SIN3A: variants seen among roughly 807,000 people sequenced by gnomAD.
SIN3A encodes the protein SIN3 transcription regulator family member A, also known as paired amphipathic helix protein Sin3a.
Under a neutral mutation model 146.1 loss-of-function variants are expected in SIN3A, and 14 were observed. That is an observed-to-expected ratio of 0.10 (90% CI 0.06 to 0.15). The LOEUF (loss-of-function observed/expected upper bound fraction) is 0.15. Among genes scored for constraint, SIN3A ranks in the 10% least tolerant of loss-of-function variants. The pLI is 1.00. For missense variants in SIN3A, 1,028 were observed against 1,576.0 expected (o/e 0.65, Z 5.89); for synonymous variants, 572 against 572.0 (o/e 1.00, Z 0.00).
chr15:75,454,307 G>A (rs1343796135), upstream of SIN3A, among the ~76,000 whole-genome samples: 2 of 152,222 alleles, frequency 1.3e-5, no homozygotes, highest in Admixed American at 6.5e-5. Flanking sequence ...GGGGCCTCCG[G>A]GAGAGCCGGA....
chr15:75,423,091 G>A (rs2073866826), intron 2 of SIN3A, among the ~76,000 whole-genome samples: 1 of 151,812 alleles, frequency 6.6e-6, no homozygotes, highest in Admixed American at 6.6e-5. Context: ...GAAAGCCTGG[G>A]CAACATAGTG....
chr15:75,393,477 A>G (rs2073247206), intron 14 of SIN3A, among the ~76,000 whole-genome samples: 1 of 152,078 alleles, frequency 6.6e-6, no homozygotes, highest in Non-Finnish European at 1.5e-5. Context: ...CCCGGGTTCA[A>G]GCCATTCTTA....
At chr15:75,433,103 C>T (rs921313421) in intron 1 of SIN3A, among the ~76,000 whole-genome samples, 1 of 151,998 alleles carries the variant, frequency 6.6e-6, no homozygotes, top group Non-Finnish European at 1.5e-5. Flanking sequence ...AAGAGCACGG[C>T]ACGACTATAG....
chr15:75,449,273 A>G (rs2074359656), intron 1 of SIN3A, among the ~76,000 whole-genome samples: 1 of 152,238 alleles, frequency 6.6e-6, no homozygotes, highest in Non-Finnish European at 1.5e-5. Context: ...TCCTTAGCAG[A>G]GAAGGTAGGA....
intron 1 of SIN3A, among the ~76,000 whole-genome samples, chr15:75,440,540 C>A (rs2074189322): frequency 6.6e-6 from 1 of 152,030 alleles, no homozygotes; most frequent in South Asian, 2.1e-4. Context: ...CCTTAAGTAG[C>A]AAATCTAAAT....
chr15:75,433,088 A>T (rs2074041580), intron 1 of SIN3A, among the ~76,000 whole-genome samples: 1 of 152,146 alleles, frequency 6.6e-6, no homozygotes, highest in South Asian at 2.1e-4. Flanking sequence ...CCAAAATCAG[A>T]TGTGAAGAGC....
intron 15 of SIN3A, among the ~76,000 whole-genome samples, chr15:75,391,029 G>A (rs2073190608): frequency 6.6e-6 from 1 of 152,196 alleles, no homozygotes; most frequent in East Asian, 1.9e-4. Flanking sequence ...TCTGAAGTCT[G>A]ACGAATTCAT....
chr15:75,408,747 C>G, intron 8 of SIN3A, among the ~76,000 whole-genome samples: 1 of 152,240 alleles, frequency 6.6e-6, no homozygotes, highest in Non-Finnish European at 1.5e-5. Context: ...CACATAAGAT[C>G]TGGTAACCCA....
rs563885327 is a variant in SIN3A, at chr15:75,440,479, G to A, written c.-33-10071C>T. On this transcript the variant is annotated intron_variant, in intron 1 of 20. Transcript: ENST00000394947. ...ACTCCTGACCTCAAGTGATCTGCCC[G>A]CTTCAGCCACCCAAAGTGCTGGGAT... Among the ~76,000 whole-genome samples, 492 of 152,022 alleles carry A rather than the reference G, an allele frequency of 3.2e-3. 2 individuals carry two copies. The highest frequency in any genetic ancestry group is 4.4e-3 in the Non-Finnish European group (297 of 67,974).
At chr15:75,423,461 G>A (rs1262923124) in intron 2 of SIN3A, among the ~76,000 whole-genome samples, 3 of 151,938 alleles carry the variant, frequency 2.0e-5, no homozygotes, top group African/African-American at 4.8e-5. Flanking sequence ...GGCGGATCAC[G>A]AGGTCAGGAG....
At chr15:75,375,495 G>C (rs528937165) in intron 20 of SIN3A, among the ~76,000 whole-genome samples, 170 bp downstream of exon 20, 1 of 152,116 alleles carries the variant, frequency 6.6e-6, no homozygotes, top group Non-Finnish European at 1.5e-5. Flanking sequence ...ACAGTCTGTG[G>C]TACTTTGTCA....
chr15:75,455,090 G>A (rs1193180212), upstream of SIN3A: 4 of 148,352 alleles, frequency 2.7e-5, no homozygotes, highest in Admixed American at 1.3e-4. Context: ...CGCCCCCAGA[G>A]TCCATAACAA....
intron 2 of SIN3A, among the ~76,000 whole-genome samples, chr15:75,428,635 G>A (rs1343278521): frequency 1.3e-5 from 2 of 152,076 alleles, no homozygotes; most frequent in African/African-American, 2.4e-5. Context: ...AAGTAGCTAG[G>A]AACACAAGTG....
rs1401989936 is a variant in SIN3A at position 75,402,590 on chromosome 15, T to G, written c.1408-620A>C. Among the ~76,000 whole-genome samples the G allele has an allele frequency of 6.6e-5, 10 of 152,166 alleles. No individual in the cohort carries two copies. In the East Asian group the frequency reaches 1.9e-3, roughly 29 times the overall value. On this transcript the variant is annotated intron_variant, in intron 9 of 20. Coordinates refer to ENST00000394947, the MANE Select transcript of SIN3A (RefSeq NM_001145358.2). ...GATGACACTAAGGAATCAACGTTAG[T>G]GTTTTTAGATGTGATAATGATTATG... is the stretch of plus-strand genomic sequence containing the variant.
At chr15:75,392,196 C>T in intron 15 of SIN3A, 46 bp downstream of exon 15, 1 of 1,567,894 alleles carries the variant, frequency 6.4e-7, no homozygotes. Flanking sequence ...GCTCTAAGGT[C>T]CTCAACCTCA....
intron 17 of SIN3A, among the ~76,000 whole-genome samples, chr15:75,382,412 T>C (rs1465288284): frequency 6.6e-6 from 1 of 152,198 alleles, no homozygotes; most frequent in Non-Finnish European, 1.5e-5. Context: ...AATTTAAGAA[T>C]TGCAAAATCT....
At position 75,406,956 on chromosome 15, in the gene SIN3A, A is replaced by C. The variant is rs2073528046; in HGVS notation, c.1407+99T>G. The C allele has an allele frequency of 5.4e-6, 4 of 742,378 alleles. No homozygotes were observed. In the South Asian group the frequency reaches 8.1e-5, roughly 15 times the overall value. The allele number at this position is 742,378 out of a possible 1,614,324, so 46.0% of individuals were successfully genotyped here. On this transcript the variant is annotated intron_variant, in intron 9 of 20. Transcript: ENST00000394947. Reference sequence around the variant, plus strand: ...CTATGTTAAAAAACAGAAAGTCCTAATTAGCCTGACACCTTTAAAACGAAA... The same window carrying C: ...CTATGTTAAAAAACAGAAAGTCCTACTTAGCCTGACACCTTTAAAACGAAA...
At chr15:75,406,998 G>T in intron 9 of SIN3A, 57 bp downstream of exon 9, 1 of 1,240,992 alleles carries the variant, frequency 8.1e-7, no homozygotes, top group Non-Finnish European at 1.2e-6. Flanking sequence ...AGGGGGATAA[G>T]ATGATTTTCT....
chr15:75,450,189 A>C (rs7179862), intron 1 of SIN3A, among the ~76,000 whole-genome samples: 3,056 of 152,248 alleles, frequency 0.02, 181 homozygotes, highest in Admixed American at 0.11. Context: ...TTAAAAAAAA[A>C]AAACAAACCC....
Sources: gnomAD v4.1 joint callset for allele counts (sites outside exome capture counted in the v4.1 genomes callset) on GRCh38, gnomAD v4.1.1 for gene constraint, MANE v1.5 for transcripts, NCBI Gene and HGNC (gene_info 2026-07-23, HGNC 2026-07-21) for gene names.